The following CENPF variants were observed in gnomAD, a reference collection of about 807,000 sequenced individuals.
The protein encoded by CENPF is centromere protein F.
CENPF carries 214 observed loss-of-function variants against 307.3 expected under a neutral mutation model. That is an observed-to-expected ratio of 0.70 (90% CI 0.62 to 0.78). The LOEUF (loss-of-function observed/expected upper bound fraction) is 0.78, where lower values mean the gene tolerates loss of function less well. CENPF is among the 30% of genes least tolerant of loss of function. The pLI, the probability that CENPF is intolerant of heterozygous loss-of-function variation, is 0.00. For synonymous variants in CENPF, 1,259 were observed against 1,270.6 expected (o/e 0.99, Z 0.19); for missense variants, 3,401 against 3,483.9 (o/e 0.98, Z 0.60).
intron 4 of CENPF, 37 bp from the exon 5 acceptor site, chr1:214,619,092 G>A (rs1423636653): frequency 9.7e-7 from 1 of 1,031,744 alleles, no homozygotes. Context: ...TGGAATCAAT[G>A]ACTGAAAGAA....
At position 214,647,304 on chromosome 1, in the gene CENPF, T is replaced by G. The variant is rs528823719; in HGVS notation, c.7734T>G (p.Ser2578=). Reference sequence around the variant, plus strand: ...AAGTGCTACAATCCAAAAATGCCTCTTTGCAGGACACATTAGAAGTGCTGC... The same window carrying G: ...AAGTGCTACAATCCAAAAATGCCTCGTTGCAGGACACATTAGAAGTGCTGC... ...KIQVLQSKNA[S]LQDTLEVLQS... Residue 2578 remains serine, a synonymous_variant, in exon 13 of 20, where the codon TCT becomes TCG. Coordinates refer to ENST00000366955, the MANE Select transcript of CENPF (RefSeq NM_016343.4). 1.2e-6 allele frequency: 2 copies of G among 1,614,016 alleles called. No individual in the cohort carries two copies. The highest frequency in any genetic ancestry group is 2.7e-5 in the African/African-American group (2 of 75,044).
rs146202877 is a variant in CENPF at position 214,639,932 on chromosome 1, T to C, written c.1594T>C (p.Ser532Pro). 2.6e-6 allele frequency: 4 copies of C among 1,525,806 alleles called. No individual in the cohort carries two copies. In the South Asian group the frequency reaches 3.9e-5, roughly 15 times the overall value. The allele number at this position is 1,525,806 out of a possible 1,614,324, so 94.5% of individuals were successfully genotyped here. A position where few individuals can be genotyped will look rare whatever the true frequency, so the allele number is the denominator to read the frequency against. Residue 532 changes from serine to proline, a missense_variant, in exon 12 of 20, where the codon TCT (serine) becomes CCT (proline). Transcript: ENST00000366955. ...FAEEMKAKNTSQETMLRDLQE... is the reference protein window; with the variant it reads ...FAEEMKAKNTPQETMLRDLQE... ...TTATTTTTAAATAGCGAAGAATACC[T>C]CTCAGGAAACCATGTTAAGAGATCT...
intron 7 of CENPF, among the ~76,000 whole-genome samples, chr1:214,623,792 G>A (rs1657579424): frequency 6.6e-6 from 1 of 152,070 alleles, no homozygotes; most frequent in East Asian, 1.9e-4. Flanking sequence ...GCTTTGTGGA[G>A]CTTCATCTTA....
At position 214,629,080 on chromosome 1, in the gene CENPF, C is replaced by CG. The variant is rs528051086; in HGVS notation, c.1105dup (p.Glu369GlyfsTer22). On this transcript the variant is annotated frameshift_variant, in exon 8 of 20. Coordinates refer to ENST00000366955, the MANE Select transcript of CENPF (RefSeq NM_016343.4). LOFTEE classifies it high-confidence loss of function. Reference sequence around the variant, plus strand: ...TTGGAACAAAAACTGAAAAAATTGACGGAAGATTTGAGTTGTCAGCGACAA... The same window carrying CG: ...TTGGAACAAAAACTGAAAAAATTGACGGGAAGATTTGAGTTGTCAGCGACAA... The CG allele has an allele frequency of 6.2e-7, 1 of 1,608,682 alleles. No homozygotes were observed. Among genetic ancestry groups the CG allele is most frequent in the Admixed American group, 1.7e-5 (1 of 59,212 alleles).
rs775669611 is a variant in CENPF, at chr1:214,644,629, A to G, written c.5059A>G (p.Lys1687Glu). 1.9e-6 allele frequency: 3 copies of G among 1,613,790 alleles called. No individual in the cohort carries two copies. Among genetic ancestry groups the G allele is most frequent in the Non-Finnish European group, 2.5e-6 (3 of 1,179,898 alleles). The change falls in exon 13 of 20, where the codon AAG (lysine) becomes GAG (glutamate). Residue 1687 changes from lysine (K) to glutamate (E), a missense_variant. Physicochemically the swap from Lys to Glu is moderately conservative, Grantham distance 56 (BLOSUM62 1). Coordinates refer to ENST00000366955, the MANE Select transcript of CENPF (RefSeq NM_016343.4). ...HTSETTERTP[K>E]HDVHQICDKD... ...TTCAGAAACTACAGAAAGAACACCA[A>G]AGCATGATGTTCATCAGATTTGTGA...
chr1:214,638,975 A>T (rs1658033577), intron 11 of CENPF, among the ~76,000 whole-genome samples: 1 of 152,254 alleles, frequency 6.6e-6, no homozygotes, highest in African/African-American at 2.4e-5. Context: ...AGTTGCTCAC[A>T]GCAAAGTGGG....
chr1:214,617,268 G>A (rs1234267976), intron 3 of CENPF, among the ~76,000 whole-genome samples: 5 of 151,878 alleles, frequency 3.3e-5, no homozygotes, highest in African/African-American at 9.7e-5. Context: ...GGCTGATCTC[G>A]AACTCCTGAC....
intron 8 of CENPF, 47 bp downstream of exon 8, chr1:214,629,218 G>A: frequency 6.7e-7 from 1 of 1,502,734 alleles, no homozygotes; most frequent in South Asian, 1.4e-5. Context: ...GGCTTTTTAT[G>A]GGCTTTTCAT....
intron 1 of CENPF, chr1:214,608,643 C>A: frequency 1.2e-6 from 2 of 1,603,792 alleles, no homozygotes; most frequent in East Asian, 2.2e-5. Flanking sequence ...GGTGCAGCTT[C>A]CAGCGCCCGG....
chr1:214,620,992 A>G (rs774390346), intron 6 of CENPF, 46 bp downstream of exon 6: 18 of 1,524,730 alleles, frequency 1.2e-5, no homozygotes, highest in Non-Finnish European at 4.4e-6. Flanking sequence ...GCTTGAGGTA[A>G]TTTCACAGGT....
chr1:214,616,837 CTT>C (rs1192719273), intron 3 of CENPF, among the ~76,000 whole-genome samples: 30 of 2,328 alleles, frequency 0.013, no homozygotes, highest in South Asian at 0.045. Flanking sequence ...CTTCCTTCCT[CTT>C]TCTTTCTTTC....
chr1:214,608,073 C>T (rs1571690685), intron 1 of CENPF, among the ~76,000 whole-genome samples: 1 of 152,332 alleles, frequency 6.6e-6, no homozygotes, highest in Middle Eastern at 3.4e-3. Flanking sequence ...GCCAGGGGTT[C>T]CCAGGGAGCC....
chr1:214,644,634 T>C lies in CENPF; in HGVS notation c.5064T>C (p.His1688=), dbSNP rs1478326389. ...TSETTERTPK[H]DVHQICDKDA... ...AAACTACAGAAAGAACACCAAAGCA[T>C]GATGTTCATCAGATTTGTGATAAAG... The change falls in exon 13 of 20, where the codon CAT becomes CAC. Residue 1688 remains histidine, a synonymous_variant. Coordinates refer to ENST00000366955, the MANE Select transcript of CENPF (RefSeq NM_016343.4). 1 of 1,614,030 alleles carries C rather than the reference T, an allele frequency of 6.2e-7. No individual in the cohort carries two copies. Among genetic ancestry groups the C allele is most frequent in the Non-Finnish European group, 8.5e-7 (1 of 1,179,964 alleles).
In CENPF at chr1:214,657,006, A is replaced by T. The variant is rs1658651110; in HGVS notation, c.8559A>T (p.Lys2853Asn). 3 of 1,613,754 alleles carry T rather than the reference A, an allele frequency of 1.9e-6. No homozygotes were observed. The highest frequency in any genetic ancestry group is 2.5e-6 in the Non-Finnish European group (3 of 1,179,922). Residue 2853 changes from lysine to asparagine, a missense_variant, in exon 18 of 20, where the codon AAA becomes AAT. By Grantham distance (94) the Lys-to-Asn change is moderately conservative. Coordinates refer to ENST00000366955, the MANE Select transcript of CENPF (RefSeq NM_016343.4). ...AACTGAAAGAAACTCTTGAAGAAAA[A>T]ACCAAGGAGGCAGATGAATACTTGG... Reference protein sequence around the residue: ...IKELKETLEEKTKEADEYLDK... With the variant: ...IKELKETLEENTKEADEYLDK...
rs531181398 is a variant in CENPF at position 214,641,351 on chromosome 1, G to C, written c.3013G>C (p.Asp1005His). The C allele has an allele frequency of 3.2e-4, 521 of 1,610,758 alleles. 6 individuals carry two copies. In the South Asian group the frequency reaches 5.4e-3, roughly 17 times the overall value. Reference protein sequence around the residue: ...QKSESFANYIDEREKSISELS... With the variant: ...QKSESFANYIHEREKSISELS... ...AAGTGAGAGTTTTGCAAACTATATA[G>C]ATGAAAGGGAGAAAAGCATTTCAGA... The change falls in exon 12 of 20, where the codon GAT (aspartate) becomes CAT (histidine). Residue 1005 changes from aspartate (D) to histidine (H), a missense_variant. By Grantham distance (81) the Asp-to-His change is moderately conservative. Transcript: ENST00000366955.
chr1:214,622,411 ATGCAAC>A, intron 7 of CENPF, 130 bp downstream of exon 7: 2 of 795,606 alleles, frequency 2.5e-6, no homozygotes, highest in South Asian at 3.9e-5. Context: ...GGTACTCTTG[ATGCAAC>A]TGAACTAGAA....
chr1:214,644,439 T>C, intron 12 of CENPF, 118 bp from the exon 13 acceptor site: 1 of 909,390 alleles, frequency 1.1e-6, no homozygotes, highest in African/African-American at 1.7e-5. Flanking sequence ...TTCACCACTT[T>C]AAGAGATGTG....
chr1:214,625,686 T>C (rs1268908823), intron 7 of CENPF, among the ~76,000 whole-genome samples: 1 of 152,208 alleles, frequency 6.6e-6, no homozygotes, highest in Non-Finnish European at 1.5e-5. Flanking sequence ...TTGAACATTT[T>C]TTAAAAATCC....
chr1:214,649,217 G>C (rs1164919897), intron 14 of CENPF, among the ~76,000 whole-genome samples: 2 of 152,186 alleles, frequency 1.3e-5, no homozygotes, highest in African/African-American at 4.8e-5. Context: ...GATCTGCTAA[G>C]AACTAACAAA....
Sources: allele counts gnomAD v4.1 joint callset (sites outside exome capture counted in the v4.1 genomes callset), GRCh38; gene constraint gnomAD v4.1.1; transcripts MANE v1.5; gene names NCBI Gene and HGNC (gene_info 2026-07-23, HGNC 2026-07-21).